Variants in LHFPL6 observed in about 807,000 individuals in gnomAD.
LHFPL6 encodes LHFPL tetraspan subfamily member 6.
Under a neutral mutation model 20.6 loss-of-function variants are expected in LHFPL6, and 9 were observed. The ratio of observed to expected loss-of-function variants is 0.44; its 90% CI spans 0.26 to 0.76. The LOEUF (loss-of-function observed/expected upper bound fraction) is 0.76, where lower values mean the gene tolerates loss of function less well. LHFPL6 is among the 30% of genes least tolerant of loss of function. The pLI is 0.20. For synonymous variants in LHFPL6, 105 were observed against 98.7 expected, an observed-to-expected ratio of 1.06 and a Z score of -0.38; for missense variants, 218 against 253.5, an observed-to-expected ratio of 0.86 and a Z score of 0.95.
chr13:39,491,663 A>G (rs1868928958), intron 2 of LHFPL6, among the ~76,000 whole-genome samples: 1 of 152,212 alleles, frequency 6.6e-6, no homozygotes, highest in African/African-American at 2.4e-5. Context: ...AGTGGGGACA[A>G]GGGGAAAGGA....
chr13:39,423,895 T>C lies in LHFPL6; in HGVS notation c.386-45369A>G, dbSNP rs925263274. 2.6e-5 allele frequency among the ~76,000 whole-genome samples: 4 copies of C among 152,290 alleles called. No homozygotes were observed. The East Asian group carries it at 5.8e-4, about 22-fold the overall frequency. ...TGCTTATATTTTAACATGCTCACTC[T>C]GGTTAGAATTGGATTAGAAGTAGGA... On this transcript the variant is annotated intron_variant, in intron 2 of 3. Transcript: ENST00000379589.
chr13:39,353,319 A>G (rs533378612), intron 3 of LHFPL6, among the ~76,000 whole-genome samples: 7 of 152,144 alleles, frequency 4.6e-5, no homozygotes, highest in African/African-American at 1.7e-4. Flanking sequence ...AAGTAGTAAA[A>G]ATGATTTGTC....
At chr13:39,406,341 A>T (rs1250031092) in intron 2 of LHFPL6, among the ~76,000 whole-genome samples, 1 of 152,198 alleles carries the variant, frequency 6.6e-6, no homozygotes, top group Non-Finnish European at 1.5e-5. Context: ...ATCCAACTTA[A>T]AATATTTTAA....
intron 2 of LHFPL6, among the ~76,000 whole-genome samples, chr13:39,581,499 G>A (rs544720653): frequency 3.8e-5 from 5 of 133,314 alleles, no homozygotes; most frequent in South Asian, 4.8e-4. Flanking sequence ...TCCACCAGGC[G>A]ATCAAAATAG....
intron 2 of LHFPL6, among the ~76,000 whole-genome samples, chr13:39,400,580 G>T (rs570612527): frequency 1.3e-5 from 2 of 151,658 alleles, no homozygotes; most frequent in East Asian, 3.9e-4. Flanking sequence ...TCAGGAGATC[G>T]AGACCATCCC....
chr13:39,577,618 A>G (rs987338999), intron 2 of LHFPL6, among the ~76,000 whole-genome samples: 16 of 151,940 alleles, frequency 1.1e-4, no homozygotes, highest in Non-Finnish European at 7.4e-5. Context: ...GTGGCTTATG[A>G]GTATCTTTCC....
chr13:39,431,857 C>A (rs370616618), intron 2 of LHFPL6, among the ~76,000 whole-genome samples: 1 of 152,152 alleles, frequency 6.6e-6, no homozygotes, highest in Non-Finnish European at 1.5e-5. Flanking sequence ...CCTGGCTTAA[C>A]TGCAATCCCT....
rs139595613 is a variant in LHFPL6 at position 39,405,694 on chromosome 13, A to G, written c.386-27168T>C. The stretch of plus-strand genomic sequence containing the variant: ...AAGCTGTCATACAAACAAACAGACC[A>G]AAAGAAGCTCTCAGGCACTTTTGCC... On this transcript the variant is annotated intron_variant, in intron 2 of 3. Transcript: ENST00000379589. Among the ~76,000 whole-genome samples the G allele has an allele frequency of 2.9e-3, 444 of 152,358 alleles. 2 individuals are homozygous for G. Among genetic ancestry groups the G allele is most frequent in the Non-Finnish European group, 5.1e-3 (350 of 68,028 alleles).
chr13:39,588,606 A>G (rs2138546358), intron 2 of LHFPL6, among the ~76,000 whole-genome samples: 1 of 152,322 alleles, frequency 6.6e-6, no homozygotes, highest in East Asian at 1.9e-4. Flanking sequence ...ACGACTAAAT[A>G]CTTTTTCCAA....
rs1211442503 is a variant in LHFPL6 at position 39,602,939 on chromosome 13, GCTGT to G, written c.-235_-232del. ...CGCGTCCCGGGCGCACACACAACTT[GCTGT>G]CTTTCTCGGGCGGGAACATCCACGG... is the stretch of plus-strand genomic sequence containing the variant. On this transcript the variant is annotated 5_prime_UTR_variant, in exon 1 of 4. It removes the in-frame stop codon of an upstream open reading frame in the 5' UTR. Coordinates refer to ENST00000379589, the MANE Select transcript of LHFPL6 (RefSeq NM_005780.3). 1 of 152,404 alleles carries G rather than the reference GCTGT, an allele frequency of 6.6e-6. No homozygotes were observed. Among genetic ancestry groups the G allele is most frequent in the Admixed American group, 6.5e-5 (1 of 15,278 alleles). 9.4% of individuals were successfully genotyped at this position (152,404 alleles called of 1,614,324 possible).
chr13:39,538,741 A>C (rs1870702389), intron 2 of LHFPL6, among the ~76,000 whole-genome samples: 1 of 152,114 alleles, frequency 6.6e-6, no homozygotes, highest in Non-Finnish European at 1.5e-5. Context: ...AGGAAAAACT[A>C]TTACTTTATT....
At position 39,578,254 on chromosome 13, in the gene LHFPL6, T is replaced by G. The variant is rs1872178509; in HGVS notation, c.385+22578A>C. On this transcript the variant is annotated intron_variant, in intron 2 of 3. Transcript: ENST00000379589. Reference sequence around the variant, plus strand: ...GAGTGATAGGACAAAAGCACCCTACTAAAGACCCCTGACAGAAATGATTAA... The same window carrying G: ...GAGTGATAGGACAAAAGCACCCTACGAAAGACCCCTGACAGAAATGATTAA... Among the ~76,000 whole-genome samples the G allele has an allele frequency of 2.0e-5, 3 of 152,256 alleles. No homozygotes were observed. The South Asian group carries it at 6.2e-4, about 32-fold the overall frequency.
chr13:39,587,499 C>T (rs1050538008), intron 2 of LHFPL6, among the ~76,000 whole-genome samples: 2 of 152,096 alleles, frequency 1.3e-5, no homozygotes, highest in African/African-American at 4.8e-5. Context: ...CTAGATTAAA[C>T]ATCTGTGATT....
intron 2 of LHFPL6, among the ~76,000 whole-genome samples, chr13:39,464,780 C>A (rs921224091): frequency 6.7e-6 from 1 of 148,268 alleles, no homozygotes; most frequent in Non-Finnish European, 1.5e-5. Context: ...AAGTATATGA[C>A]CTATTCCAGA....
intron 2 of LHFPL6, among the ~76,000 whole-genome samples, chr13:39,569,560 C>T (rs1871847685): frequency 6.6e-6 from 1 of 152,118 alleles, no homozygotes; most frequent in Non-Finnish European, 1.5e-5. Context: ...GCAAGCAATA[C>T]TATATCACCA....
At chr13:39,471,839 T>G (rs7990079) in intron 2 of LHFPL6, among the ~76,000 whole-genome samples, 60,181 of 152,080 alleles carry the variant, frequency 0.4, 12,011 homozygotes, top group Middle Eastern at 0.52. Flanking sequence ...TGATAATCAT[T>G]CCCATTTATT....
intron 2 of LHFPL6, among the ~76,000 whole-genome samples, chr13:39,505,634 G>A (rs940022874): frequency 6.6e-6 from 1 of 152,134 alleles, no homozygotes; most frequent in Non-Finnish European, 1.5e-5. Flanking sequence ...TGAATTTTCT[G>A]ATATAACTAT....
At chr13:39,594,861 G>A (rs1341789711) in intron 2 of LHFPL6, among the ~76,000 whole-genome samples, 11 of 152,168 alleles carry the variant, frequency 7.2e-5, no homozygotes, top group East Asian at 1.9e-4. Flanking sequence ...GCAAACGATC[G>A]CAAGGACAAA....
intron 2 of LHFPL6, among the ~76,000 whole-genome samples, chr13:39,576,540 T>C (rs1337280644): frequency 1.3e-5 from 2 of 152,230 alleles, no homozygotes; most frequent in Non-Finnish European, 2.9e-5. Context: ...TTCAAATCTC[T>C]GGCTTTTTTC....
Sources: gnomAD v4.1 joint callset for allele counts (sites outside exome capture counted in the v4.1 genomes callset) on GRCh38, gnomAD v4.1.1 for gene constraint, MANE v1.5 for transcripts, NCBI Gene and HGNC (gene_info 2026-07-23, HGNC 2026-07-21) for gene names.